The following FMO5 variants were observed in gnomAD, a reference collection of about 807,000 sequenced individuals.
The protein encoded by FMO5 is flavin containing dimethylaniline monoxygenase 5.
FMO5 carries 51 observed loss-of-function variants against 43.6 expected under a neutral mutation model. The ratio of observed to expected loss-of-function variants is 1.17; its 90% CI spans 0.93 to 1.48. The LOEUF is 1.48. FMO5 is among the 40% of genes most tolerant of loss of function. FMO5 has a pLI of 0.00. For synonymous variants in FMO5, 187 were observed against 216.5 expected, an observed-to-expected ratio of 0.86 and a Z score of 1.20; for missense variants, 644 against 643.0, an observed-to-expected ratio of 1.00 and a Z score of -0.02.
chr1:147,225,224 G>T (rs1663836351), intron 1 of FMO5, 63 bp downstream of exon 1: 40 of 1,405,470 alleles, frequency 2.8e-5, no homozygotes, highest in Non-Finnish European at 3.6e-5. Flanking sequence ...CTGCTGGCAT[G>T]GGGGAGCCCT....
rs1047839042 is a variant in FMO5, at chr1:147,204,981, G to A, written c.831-3477C>T. 1.1e-5 allele frequency: 12 copies of A among 1,084,538 alleles called. 1 individual carries two copies. The highest frequency in any genetic ancestry group is 7.1e-5 in the East Asian group (3 of 42,406). 67.2% of individuals were successfully genotyped at this position (1,084,538 alleles called of 1,614,324 possible). Reference sequence around the variant, plus strand: ...ACGTGACCGCTCAGAAGACCGCGGAGGAACCAAAGGTTTTCATGCCTGATG... The same window carrying A: ...ACGTGACCGCTCAGAAGACCGCGGAAGAACCAAAGGTTTTCATGCCTGATG... On this transcript the variant is annotated intron_variant, in intron 6 of 8. Transcript: ENST00000254090.
chr1:147,196,769 A>G (rs1384050096), intron 7 of FMO5, among the ~76,000 whole-genome samples: 1 of 152,002 alleles, frequency 6.6e-6, no homozygotes, highest in African/African-American at 2.4e-5. Context: ...TAGTTTCCCA[A>G]TTCCAATGAA....
chr1:147,217,710 C>A (rs587629651), intron 2 of FMO5, among the ~76,000 whole-genome samples: 1 of 152,214 alleles, frequency 6.6e-6, no homozygotes, highest in Non-Finnish European at 1.5e-5. Flanking sequence ...ATCTAGCCTA[C>A]CTGTTTCAAC....
chr1:147,186,572 A>G lies in FMO5; in HGVS notation c.*328T>C, dbSNP rs989921299. ...GCTGACTTACTCTCCCTACCATAAAATTTGATAAACAACAAACATTTATTA... is the reference window on the plus strand; with the variant it reads ...GCTGACTTACTCTCCCTACCATAAAGTTTGATAAACAACAAACATTTATTA... On this transcript the variant is annotated 3_prime_UTR_variant, in exon 9 of 9. Coordinates refer to ENST00000254090, the MANE Select transcript of FMO5 (RefSeq NM_001461.4). 3.9e-6 allele frequency: 4 copies of G among 1,031,058 alleles called. No individual in the cohort carries two copies. Among genetic ancestry groups the G allele is most frequent in the African/African-American group, 1.7e-5 (1 of 58,402 alleles). 63.9% of individuals were successfully genotyped at this position (1,031,058 alleles called of 1,614,324 possible).
At chr1:147,219,831 T>A (rs6660219) in intron 2 of FMO5, among the ~76,000 whole-genome samples, 20,420 of 142,656 alleles carry the variant, frequency 0.14, 1,405 homozygotes, top group South Asian at 0.19. Context: ...AACATACAAA[T>A]GTTAATTGCT....
rs199844781 is a variant in FMO5 at position 147,191,782 on chromosome 1, T to G, written c.1184-1533A>C. ...TTAAATAGGGAATCCTTTCCCCATTTCTTGTTTTTGTCAGGTTTGTCAAAG... is the reference window on the plus strand; with the variant it reads ...TTAAATAGGGAATCCTTTCCCCATTGCTTGTTTTTGTCAGGTTTGTCAAAG... On this transcript the variant is annotated intron_variant, in intron 7 of 8. Coordinates refer to ENST00000254090, the MANE Select transcript of FMO5 (RefSeq NM_001461.4). Among the ~76,000 whole-genome samples, 602 of 152,100 alleles carry G rather than the reference T, an allele frequency of 4.0e-3. 15 individuals carry two copies. The highest frequency in any genetic ancestry group is 0.033 in the Admixed American group (500 of 15,286).
chr1:147,207,837 T>C (rs1660364073), intron 6 of FMO5, among the ~76,000 whole-genome samples: 2 of 152,142 alleles, frequency 1.3e-5, no homozygotes, highest in Admixed American at 1.3e-4. Context: ...TGTGTGCCCC[T>C]CCCCTGTGGT....
At chr1:147,209,239 GAAACCCCGTCTCTACTGAA>G (rs1410864695) in intron 5 of FMO5, among the ~76,000 whole-genome samples, 188 bp from the exon 6 acceptor site, 27 of 152,134 alleles carry the variant, frequency 1.8e-4, no homozygotes, top group Admixed American at 1.4e-3. Flanking sequence ...CTAACACAGT[GAAACCCCGTCTCTACTGAA>G]AAACCCCGTC....
In FMO5 at chr1:147,201,301, A is replaced by G; in HGVS notation, c.1034T>C (p.Val345Ala). ...ATACAGGGATATCTTGTTTTTGACC[A>G]CTTTGACGGAATCTTCCAGAAATGG... is the stretch of plus-strand genomic sequence containing the variant. Reference protein sequence around the residue: ...DFPFLEDSVKVVKNKISLYKK... With the variant: ...DFPFLEDSVKAVKNKISLYKK... Residue 345 changes from valine to alanine, a missense_variant, in exon 7 of 9, where the codon GTG (valine) becomes GCG (alanine). Coordinates refer to ENST00000254090, the MANE Select transcript of FMO5 (RefSeq NM_001461.4). The G allele has an allele frequency of 6.2e-7, 1 of 1,614,156 alleles. No individual in the cohort carries two copies. The highest frequency in any genetic ancestry group is 8.5e-7 in the Non-Finnish European group (1 of 1,180,016).
intron 8 of FMO5, among the ~76,000 whole-genome samples, 177 bp from the exon 9 acceptor site, chr1:147,187,422 G>C (rs28526308): frequency 0.02 from 2,995 of 152,256 alleles, 80 homozygotes; most frequent in African/African-American, 0.068. Context: ...TACAAAAGGA[G>C]ATAAGACAGA....
At chr1:147,186,163 A>T (rs1475593032), downstream of FMO5, 2 of 204,088 alleles carry the variant, frequency 9.8e-6, no homozygotes, top group East Asian at 1.8e-4. Context: ...AAAGAGATTT[A>T]AAAAGGTAGG....
rs797037046 is a variant in FMO5, at chr1:147,190,662, AGAAT to A, written c.1184-417_1184-414del. ...AAAGGGACCTTATATCAACAGAAAG[AGAAT>A]GAAGTAAAAATAAATTTTTTGTTTT... On this transcript the variant is annotated intron_variant, in intron 7 of 8. Coordinates refer to ENST00000254090, the MANE Select transcript of FMO5 (RefSeq NM_001461.4). 2.6e-5 allele frequency among the ~76,000 whole-genome samples: 4 copies of A among 151,978 alleles called. No homozygotes were observed. The South Asian group carries it at 8.3e-4, about 32-fold the overall frequency.
Position 147,224,588 on chromosome 1 carries a change from C to A in FMO5, c.135+307G>T, listed in dbSNP as rs142878852. Among the ~76,000 whole-genome samples, 723 of 152,184 alleles carry A rather than the reference C, an allele frequency of 4.8e-3. 6 individuals are homozygous for A. Among genetic ancestry groups the A allele is most frequent in the African/African-American group, 0.015 (634 of 41,528 alleles). On this transcript the variant is annotated intron_variant, in intron 2 of 8. Transcript: ENST00000254090. ...GCAGTGGGGCGATCTCGGCTCACTG[C>A]AAGCTCTGCCTCCCAAGTTCACCCC...
At position 147,220,360 on chromosome 1, in the gene FMO5, T is replaced by C. The variant is rs1224534372; in HGVS notation, c.136-4418A>G. Among the ~76,000 whole-genome samples, 8 of 152,318 alleles carry C rather than the reference T, an allele frequency of 5.3e-5. No individual in the cohort carries two copies. In the East Asian group the frequency reaches 1.4e-3, roughly 26 times the overall value. On this transcript the variant is annotated intron_variant, in intron 2 of 8. Coordinates refer to ENST00000254090, the MANE Select transcript of FMO5 (RefSeq NM_001461.4). Reference sequence around the variant, plus strand: ...TAGAAGATTAAATATTGTTAAGATGTCAGTTCTTTCCAACTTGACCTATAG... The same window carrying C: ...TAGAAGATTAAATATTGTTAAGATGCCAGTTCTTTCCAACTTGACCTATAG...
rs188388686 is a variant in FMO5, at chr1:147,220,209, C to T, written c.136-4267G>A. 2.2e-3 allele frequency among the ~76,000 whole-genome samples: 341 copies of T among 152,084 alleles called. 2 individuals are homozygous for T. Among genetic ancestry groups the T allele is most frequent in the Admixed American group, 3.9e-3 (59 of 15,276 alleles). On this transcript the variant is annotated intron_variant, in intron 2 of 8. Transcript: ENST00000254090. ...TAAAAACTCCATCTATAGTAATACC[C>T]CTGAAATTACATACGTAGGTATAAA... is the stretch of plus-strand genomic sequence containing the variant.
downstream of FMO5, chr1:147,184,404 C>CATACTTTATT (rs1420431442): frequency 1.5e-6 from 2 of 1,301,084 alleles, no homozygotes; most frequent in East Asian, 2.8e-5. This position sits in a 1 kb window ranked among gnomAD's most constrained non-coding sequence, Gnocchi z 4.4. Context: ...AACCAAAATG[C>CATACTTTATT]ATACTTTATT....
intron 1 of FMO5, 49 bp downstream of exon 1, chr1:147,225,238 C>T: frequency 7.5e-7 from 1 of 1,339,766 alleles, no homozygotes; most frequent in Non-Finnish European, 9.8e-7. Flanking sequence ...GAGCCCTGCG[C>T]CTGCAAGACC....
At chr1:147,224,055 T>C in intron 2 of FMO5, 1 of 392,440 alleles carries the variant, frequency 2.5e-6, no homozygotes, top group South Asian at 1.9e-5. Context: ...GAGCTGGTTG[T>C]CTTCCTGCCT....
chr1:147,191,883 T>A (rs1553918607), intron 7 of FMO5, among the ~76,000 whole-genome samples: 1 of 152,156 alleles, frequency 6.6e-6, no homozygotes, highest in Non-Finnish European at 1.5e-5. Context: ...TCCCTTTTGG[T>A]ACCAGTACCA....
Sources: gnomAD v4.1 joint callset for allele counts (sites outside exome capture counted in the v4.1 genomes callset) on GRCh38, gnomAD v4.1.1 for gene constraint, Gnocchi (gnomAD v3.1) non-coding constraint, MANE v1.5 for transcripts, NCBI Gene and HGNC (gene_info 2026-07-23, HGNC 2026-07-21) for gene names.